The following STARD13 variants were observed in gnomAD, a reference collection of about 807,000 sequenced individuals.
The protein encoded by STARD13 is StAR related lipid transfer domain containing 13, also known as stAR-related lipid transfer protein 13.
Under a neutral mutation model 106.4 loss-of-function variants are expected in STARD13, and 62 were observed. The observed-to-expected ratio is 0.58, with a 90% CI of 0.48 to 0.72. STARD13 has a LOEUF of 0.72. Among genes scored for constraint, STARD13 ranks in the 30% least tolerant of loss-of-function variants. STARD13 has a pLI of 0.00. For missense variants in STARD13, 1,387 were observed against 1,424.0 expected (o/e 0.97, Z 0.42); for synonymous variants, 565 against 553.0 (o/e 1.02, Z -0.31).
intron 1 of STARD13, among the ~76,000 whole-genome samples, chr13:33,200,146 A>C (rs564975429): frequency 6.6e-6 from 1 of 152,350 alleles, no homozygotes; most frequent in African/African-American, 2.4e-5. Flanking sequence ...AGGTAACCAA[A>C]CACGCTGCCT....
At chr13:33,121,875 C>T (rs180872453) in intron 7 of STARD13, among the ~76,000 whole-genome samples, 223 of 150,584 alleles carry the variant, frequency 1.5e-3, no homozygotes, top group Non-Finnish European at 1.9e-3. Flanking sequence ...GATAAAGTCT[C>T]GCTCTTATCC....
At chr13:33,429,825 G>A in the STARD13 span, among the ~76,000 whole-genome samples, 1 of 151,936 alleles carries the variant, frequency 6.6e-6, no homozygotes. Context: ...CAAAAAAATA[G>A]GAAGAATGAA....
the STARD13 span, chr13:33,654,712 C>G: frequency 6.6e-6 from 1 of 152,204 alleles, no homozygotes; most frequent in Non-Finnish European, 1.5e-5. Context: ...TCTGCAAACT[C>G]TTCTGCCATG....
At chr13:33,632,787 G>A in the STARD13 span, among the ~76,000 whole-genome samples, 1 of 150,920 alleles carries the variant, frequency 6.6e-6, no homozygotes, top group Admixed American at 6.6e-5. Flanking sequence ...TCTACAGATT[G>A]ATCACTATGC....
chr13:33,539,907 T>C, the STARD13 span, among the ~76,000 whole-genome samples: 374 of 152,296 alleles, frequency 2.5e-3, 2 homozygotes, highest in African/African-American at 8.6e-3. Flanking sequence ...GAGAAAAATA[T>C]TCACAACATA....
chr13:33,206,019 C>T (rs1268750481), intron 1 of STARD13: 1 of 985,246 alleles, frequency 1.0e-6, no homozygotes, highest in Non-Finnish European at 1.2e-6. Context: ...TGGTCCACAT[C>T]ATTCTAGCCT....
chr13:33,428,552 A>G, the STARD13 span, among the ~76,000 whole-genome samples: 1 of 152,212 alleles, frequency 6.6e-6, no homozygotes, highest in Non-Finnish European at 1.5e-5. Flanking sequence ...TGGCCAACAG[A>G]CATATGAAAA....
chr13:33,453,495 G>A, the STARD13 span, among the ~76,000 whole-genome samples: 31 of 152,258 alleles, frequency 2.0e-4, 1 homozygote, highest in South Asian at 6.2e-3. Context: ...GAAAACACTG[G>A]TGATGTTGGC....
chr13:33,124,466 A>G (rs1236758369), intron 7 of STARD13, among the ~76,000 whole-genome samples: 3 of 152,182 alleles, frequency 2.0e-5, no homozygotes, highest in South Asian at 2.1e-4. Context: ...TTGCCGGCAC[A>G]CTGTTTTTCA....
intron 1 of STARD13, among the ~76,000 whole-genome samples, chr13:33,194,094 AAGAC>A (rs1386839414): frequency 3.3e-5 from 5 of 152,196 alleles, no homozygotes; most frequent in Non-Finnish European, 7.3e-5. Context: ...GGGAAAAAGA[AAGAC>A]AGAGTATTTG....
At chr13:33,149,762 G>A (rs889987073) in intron 3 of STARD13, among the ~76,000 whole-genome samples, 6 of 152,170 alleles carry the variant, frequency 3.9e-5, no homozygotes, top group Non-Finnish European at 7.3e-5. Context: ...AGATGTAAAC[G>A]CCTCTTTAAG....
chr13:33,426,881 C>G, the STARD13 span, among the ~76,000 whole-genome samples: 182 of 152,258 alleles, frequency 1.2e-3, 1 homozygote, highest in African/African-American at 4.2e-3. Flanking sequence ...AATGAGTTTT[C>G]ACATTTTAGA....
At chr13:33,623,227 G>T in the STARD13 span, among the ~76,000 whole-genome samples, 3 of 151,920 alleles carry the variant, frequency 2.0e-5, no homozygotes, top group Admixed American at 2.0e-4. Context: ...TTGAAAATGA[G>T]ATATAAAATG....
At chr13:33,258,272 A>G (rs1197724900) in intron 1 of STARD13, among the ~76,000 whole-genome samples, 1 of 152,192 alleles carries the variant, frequency 6.6e-6, no homozygotes, top group Non-Finnish European at 1.5e-5. Flanking sequence ...CACCCATATT[A>G]TGTGATTGGA....
the STARD13 span, among the ~76,000 whole-genome samples, chr13:33,622,472 T>A: frequency 1.3e-5 from 2 of 151,790 alleles, no homozygotes; most frequent in East Asian, 3.9e-4. Context: ...GCCCCGTCTC[T>A]ACTAAAAATA....
the STARD13 span, among the ~76,000 whole-genome samples, chr13:33,364,409 A>G: frequency 9.4e-3 from 1,430 of 152,368 alleles, 23 homozygotes; most frequent in African/African-American, 0.032. Flanking sequence ...TCAGTATTTT[A>G]AAAATATAAT....
At chr13:33,360,724 G>GGATTCCTTCTGTGTC in the STARD13 span, among the ~76,000 whole-genome samples, 1 of 137,950 alleles carries the variant, frequency 7.2e-6, no homozygotes, top group Non-Finnish European at 1.6e-5. Flanking sequence ...GTAGACAGAA[G>GGATTCCTTCTGTGTC]GACATATTGT....
At chr13:33,585,167 G>A in the STARD13 span, among the ~76,000 whole-genome samples, 5 of 152,182 alleles carry the variant, frequency 3.3e-5, no homozygotes, top group Non-Finnish European at 4.4e-5. Flanking sequence ...GAACCCTTGC[G>A]CACTGCTTGT....
chr13:33,302,036 C>T (rs1411858036), intron 1 of STARD13, among the ~76,000 whole-genome samples: 1 of 152,112 alleles, frequency 6.6e-6, no homozygotes, highest in East Asian at 1.9e-4. Flanking sequence ...AGGACTGATA[C>T]AAGCAATGAG....
Sources: allele counts gnomAD v4.1 joint callset (sites outside exome capture counted in the v4.1 genomes callset), GRCh38; gene constraint gnomAD v4.1.1; transcripts MANE v1.5; gene names NCBI Gene and HGNC (gene_info 2026-07-23, HGNC 2026-07-21).